Variants in SLC35F1 observed in about 807,000 individuals in gnomAD.
SLC35F1 encodes the protein chromosome 6 open reading frame 169.
In SLC35F1, 14 loss-of-function variants were observed where a neutral mutation model predicts 48.7. That is an observed-to-expected ratio of 0.29 (90% CI 0.19 to 0.45). The LOEUF (loss-of-function observed/expected upper bound fraction) is 0.45. SLC35F1 is among the 20% of genes least tolerant of loss of function. The pLI is 1.00. For missense variants in SLC35F1, 404 were observed against 500.0 expected (o/e 0.81, Z 1.83); for synonymous variants, 190 against 202.2 (o/e 0.94, Z 0.51).
At position 117,990,302 on chromosome 6, in the gene SLC35F1, C is replaced by T. The variant is rs560021730; in HGVS notation, c.173+82403C>T. Among the ~76,000 whole-genome samples, 3 of 152,190 alleles carry T rather than the reference C, an allele frequency of 2.0e-5. No individual in the cohort carries two copies. In the South Asian group the frequency reaches 6.2e-4, roughly 32 times the overall value. Reference sequence around the variant, plus strand: ...CCTGTATACTAAGGAATTTCTGTCTCACGCTGGAGGCCATTGGGAAGTGTG... The same window carrying T: ...CCTGTATACTAAGGAATTTCTGTCTTACGCTGGAGGCCATTGGGAAGTGTG... On this transcript the variant is annotated intron_variant, in intron 1 of 7. Coordinates refer to ENST00000360388, the MANE Select transcript of SLC35F1 (RefSeq NM_001029858.4).
rs1325219216 is a variant in SLC35F1, at chr6:117,941,268, A to C, written c.173+33369A>C. Among the ~76,000 whole-genome samples, 132 of 152,312 alleles carry C rather than the reference A, an allele frequency of 8.7e-4. 2 individuals carry two copies. Among genetic ancestry groups the C allele is most frequent in the Non-Finnish European group, 7.4e-5 (5 of 68,026 alleles). On this transcript the variant is annotated intron_variant, in intron 1 of 7. Transcript: ENST00000360388. Reference sequence around the variant, plus strand: ...GAAAAACCTGTATTTAGAATCAATTATTTTTAGTTTTTTTGGGTTAGATGA... The same window carrying C: ...GAAAAACCTGTATTTAGAATCAATTCTTTTTAGTTTTTTTGGGTTAGATGA...
At chr6:117,955,702 T>C (rs960468429) in intron 1 of SLC35F1, among the ~76,000 whole-genome samples, 1 of 152,064 alleles carries the variant, frequency 6.6e-6, no homozygotes, top group Non-Finnish European at 1.5e-5. Context: ...AAAATGGGGA[T>C]TGTGTTAGGA....
chr6:117,924,509 TATAC>T (rs1427189083), intron 1 of SLC35F1, among the ~76,000 whole-genome samples: 3 of 71,712 alleles, frequency 4.2e-5, no homozygotes, highest in Non-Finnish European at 9.3e-5. Context: ...TATATACGTA[TATAC>T]ATATATATAT....
intron 1 of SLC35F1, among the ~76,000 whole-genome samples, chr6:118,097,491 G>A (rs907602779): frequency 6.6e-6 from 1 of 152,096 alleles, no homozygotes; most frequent in Non-Finnish European, 1.5e-5. Flanking sequence ...GTGACTTGGG[G>A]GTGTGCATTT....
intron 1 of SLC35F1, among the ~76,000 whole-genome samples, chr6:117,915,154 T>C (rs1483567944): frequency 6.6e-6 from 1 of 152,216 alleles, no homozygotes; most frequent in Non-Finnish European, 1.5e-5. Context: ...AGAGTATATT[T>C]TATATATGGA....
intron 2 of SLC35F1, among the ~76,000 whole-genome samples, chr6:118,190,582 G>A (rs1198642774): frequency 6.6e-6 from 1 of 152,098 alleles, no homozygotes; most frequent in African/African-American, 2.4e-5. Context: ...GTATCCTCAT[G>A]GTCACACATT....
chr6:118,195,503 A>G (rs912792898), intron 2 of SLC35F1, among the ~76,000 whole-genome samples: 5 of 149,580 alleles, frequency 3.3e-5, no homozygotes, highest in Non-Finnish European at 7.3e-5. Context: ...AACTTAGCCA[A>G]TGATTTTTTT....
At chr6:118,145,801 G>A (rs1460981429) in intron 1 of SLC35F1, among the ~76,000 whole-genome samples, 1 of 152,066 alleles carries the variant, frequency 6.6e-6, no homozygotes, top group Non-Finnish European at 1.5e-5. Flanking sequence ...TTAAAGTTAT[G>A]CAACTCATTA....
intron 1 of SLC35F1, among the ~76,000 whole-genome samples, chr6:118,135,995 A>C (rs1773789047): frequency 6.6e-6 from 1 of 152,150 alleles, no homozygotes; most frequent in Admixed American, 6.5e-5. Context: ...GAAGATGGGG[A>C]CATGTAAGAG....
At chr6:118,055,939 G>T (rs2114262937) in intron 1 of SLC35F1, among the ~76,000 whole-genome samples, 1 of 152,336 alleles carries the variant, frequency 6.6e-6, no homozygotes, top group East Asian at 1.9e-4. Flanking sequence ...AGCATCTTCT[G>T]CCTGTAGTCA....
intron 1 of SLC35F1, among the ~76,000 whole-genome samples, chr6:118,154,183 G>T (rs1774105034): frequency 6.6e-6 from 1 of 152,108 alleles, no homozygotes; most frequent in Non-Finnish European, 1.5e-5. Flanking sequence ...GAGAGATTTG[G>T]TCTCAAATTC....
At chr6:118,241,632 T>C (rs2114592015) in intron 3 of SLC35F1, among the ~76,000 whole-genome samples, 1 of 152,020 alleles carries the variant, frequency 6.6e-6, no homozygotes, top group South Asian at 2.1e-4. Flanking sequence ...TGCACTTTGG[T>C]CTCATGTATA....
chr6:118,314,116 C>A lies in SLC35F1; in HGVS notation c.1091C>A (p.Pro364His). The A allele has an allele frequency of 6.2e-7, 1 of 1,614,190 alleles. No individual in the cohort carries two copies. The highest frequency in any genetic ancestry group is 8.5e-7 in the Non-Finnish European group (1 of 1,180,040). The change falls in exon 8 of 8, where the codon CCC becomes CAC. Residue 364 changes from proline (P) to histidine (H), a missense_variant. This residue lies in a region of SLC35F1 where 306 missense variants were observed against 419.1 expected (regional missense o/e 0.73). Coordinates refer to ENST00000360388, the MANE Select transcript of SLC35F1 (RefSeq NM_001029858.4). The part of the protein sequence containing the change: ...SSTSTYIAQD[P>H]RVYKQFRNPS... Reference sequence around the variant, plus strand: ...ACCTCCACCTACATAGCCCAGGACCCCCGAGTGTATAAGCAGTTCCGCAAT... The same window carrying A: ...ACCTCCACCTACATAGCCCAGGACCACCGAGTGTATAAGCAGTTCCGCAAT...
intron 1 of SLC35F1, among the ~76,000 whole-genome samples, chr6:118,058,738 A>T (rs116338871): frequency 1.3e-5 from 2 of 152,316 alleles, no homozygotes; most frequent in African/African-American, 4.8e-5. Context: ...TTGTGAGAAT[A>T]GTTCTTAAAA....
rs944569126 is a variant in SLC35F1, at chr6:117,997,095, G to A, written c.173+89196G>A. Among the ~76,000 whole-genome samples the A allele has an allele frequency of 1.0e-3, 159 of 152,268 alleles. 2 individuals carry two copies. In the East Asian group the frequency reaches 0.027, roughly 26 times the overall value. On this transcript the variant is annotated intron_variant, in intron 1 of 7. Transcript: ENST00000360388. ...AGTGCTTAAAGGAGCTGATGGAGCT[G>A]AAAGCCAAGGCTCGAGAACTACGTG...
chr6:118,042,292 G>A (rs1277668039), intron 1 of SLC35F1, among the ~76,000 whole-genome samples: 1 of 152,134 alleles, frequency 6.6e-6, no homozygotes. Flanking sequence ...AGCCATATGT[G>A]AGCAGATCAT....
rs138150848 is a variant in SLC35F1 at position 118,284,979 on chromosome 6, T to C, written c.848-205T>C. Among the ~76,000 whole-genome samples, 72 of 143,994 alleles carry C rather than the reference T, an allele frequency of 5.0e-4. No homozygotes were observed. The East Asian group carries it at 0.013, about 26-fold the overall frequency. 94.5% of individuals were successfully genotyped at this position (143,994 alleles called of 152,430 possible). A position where few individuals can be genotyped will look rare whatever the true frequency, so the allele number is the denominator to read the frequency against. The stretch of plus-strand genomic sequence containing the variant: ...CAGCAATGCAATAAGAAGCAGAAAG[T>C]TCATTTTTCACACTTAATTTTTTTT... On this transcript the variant is annotated intron_variant, in intron 6 of 7. Coordinates refer to ENST00000360388, the MANE Select transcript of SLC35F1 (RefSeq NM_001029858.4).
intron 1 of SLC35F1, among the ~76,000 whole-genome samples, chr6:117,967,825 C>G (rs1349284218): frequency 6.6e-6 from 1 of 152,246 alleles, no homozygotes; most frequent in East Asian, 1.9e-4. Context: ...GGAGCCATTT[C>G]AATCCAATAT....
intron 2 of SLC35F1, among the ~76,000 whole-genome samples, chr6:118,168,130 G>A (rs962563194): frequency 7.2e-5 from 11 of 152,216 alleles, no homozygotes; most frequent in African/African-American, 2.4e-4. Flanking sequence ...CAGTCCCTGC[G>A]CTGTCTTCCC....
Sources: gnomAD v4.1 joint callset for allele counts (sites outside exome capture counted in the v4.1 genomes callset) on GRCh38, gnomAD v4.1.1 for gene constraint, gnomAD v4.1.1 regional missense constraint, MANE v1.5 for transcripts, NCBI Gene and HGNC (gene_info 2026-07-23, HGNC 2026-07-21) for gene names.